Variants in FOXO3 observed in about 807,000 individuals in gnomAD.
FOXO3 encodes the protein forkhead box O3.
In FOXO3, 4 loss-of-function variants were observed where a neutral mutation model predicts 41.9. That is an observed-to-expected ratio of 0.10 (90% confidence interval 0.05 to 0.22). The LOEUF (loss-of-function observed/expected upper bound fraction) is 0.22, where lower values mean the gene tolerates loss of function less well. FOXO3 is among the 10% of genes least tolerant of loss of function. The pLI is 1.00. For synonymous variants in FOXO3, 318 were observed against 389.3 expected, an observed-to-expected ratio of 0.82 and a Z score of 2.16; for missense variants, 534 against 906.8, an observed-to-expected ratio of 0.59 and a Z score of 5.28.
chr6:108,606,889 T>C (rs1777218955), intron 1 of FOXO3, among the ~76,000 whole-genome samples: 1 of 152,208 alleles, frequency 6.6e-6, no homozygotes, highest in Admixed American at 6.5e-5. Flanking sequence ...CCCATAAAGA[T>C]GCAGAGTAAG....
At chr6:108,623,089 T>C (rs943936688) in intron 1 of FOXO3, among the ~76,000 whole-genome samples, 16 of 152,028 alleles carry the variant, frequency 1.1e-4, no homozygotes, top group African/African-American at 3.6e-4. Context: ...CTTGGACATA[T>C]CATGGGGCTA....
At chr6:108,586,072 C>T (rs114540116) in intron 1 of FOXO3, among the ~76,000 whole-genome samples, 3,204 of 152,246 alleles carry the variant, frequency 0.021, 114 homozygotes, top group African/African-American at 0.071. Context: ...TCTGGAAAAG[C>T]GAAGATCACT....
chr6:108,580,116 G>A (rs775040920), intron 1 of FOXO3, among the ~76,000 whole-genome samples: 10 of 151,580 alleles, frequency 6.6e-5, no homozygotes, highest in Admixed American at 3.9e-4. Flanking sequence ...TAAAAGCTAC[G>A]GTTAATTGAA....
At chr6:108,655,835 T>C (rs1778668510) in intron 1 of FOXO3, among the ~76,000 whole-genome samples, 2 of 152,204 alleles carry the variant, frequency 1.3e-5, no homozygotes, top group South Asian at 2.1e-4. Context: ...AAAACCTTTG[T>C]CATCTGTGGT....
intron 1 of FOXO3, among the ~76,000 whole-genome samples, chr6:108,644,541 G>T (rs1164666646): frequency 6.6e-6 from 1 of 151,950 alleles, no homozygotes; most frequent in Non-Finnish European, 1.5e-5. Flanking sequence ...AAACTCTCCT[G>T]GGCACGATCG....
chr6:108,620,339 CG>C (rs1777632096), intron 1 of FOXO3, among the ~76,000 whole-genome samples: 1 of 152,086 alleles, frequency 6.6e-6, no homozygotes, highest in East Asian at 1.9e-4. Context: ...TTTTGTCTAT[CG>C]TTTTTCTTAA....
At chr6:108,646,377 T>C (rs2128381022) in intron 1 of FOXO3, among the ~76,000 whole-genome samples, 1 of 152,360 alleles carries the variant, frequency 6.6e-6, no homozygotes, top group South Asian at 2.1e-4. Flanking sequence ...TCTGTTCTAC[T>C]AAGTCAAAGG....
rs148312665 is a variant in FOXO3 at position 108,623,387 on chromosome 6, T to A, written c.622-40068T>A. 9.1e-4 allele frequency among the ~76,000 whole-genome samples: 138 copies of A among 152,346 alleles called. 1 individual carries two copies. Among genetic ancestry groups the A allele is most frequent in the South Asian group, 8.7e-3 (42 of 4,832 alleles). On this transcript the variant is annotated intron_variant, in intron 1 of 2. Transcript: ENST00000406360. ...CCCACCTGCACATGTAAATCTTTCC[T>A]TTTTAATGTGTCACCTCTTCAGTTT...
intron 1 of FOXO3, among the ~76,000 whole-genome samples, chr6:108,661,376 A>G (rs1246392314): frequency 4.2e-5 from 1 of 23,794 alleles, no homozygotes; most frequent in East Asian, 1.3e-3. Flanking sequence ...TAATATATGG[A>G]CAGTAGCATC....
upstream of FOXO3, chr6:108,560,889 C>T: frequency 1.9e-6 from 2 of 1,056,314 alleles, no homozygotes; most frequent in East Asian, 3.3e-5. Flanking sequence ...GATTCGCTCG[C>T]GGCTCCATCG....
At chr6:108,592,563 C>T (rs1776756660) in intron 1 of FOXO3, among the ~76,000 whole-genome samples, 1 of 152,118 alleles carries the variant, frequency 6.6e-6, no homozygotes, top group Non-Finnish European at 1.5e-5. Flanking sequence ...AGCAAGAATG[C>T]ATTTTAAATT....
intron 2 of FOXO3, among the ~76,000 whole-genome samples, chr6:108,679,309 C>G (rs1455158344): frequency 6.6e-6 from 1 of 151,752 alleles, no homozygotes; most frequent in East Asian, 1.9e-4. Flanking sequence ...TTCATCTCCA[C>G]TGGTGTTGGG....
At chr6:108,656,139 A>G (rs1172455318) in intron 1 of FOXO3, among the ~76,000 whole-genome samples, 6 of 151,926 alleles carry the variant, frequency 3.9e-5, no homozygotes, top group African/African-American at 1.4e-4. Context: ...CCACCTCAAA[A>G]AAAAAAAGAG....
chr6:108,663,848 G>A lies in FOXO3; in HGVS notation c.1015G>A (p.Asp339Asn), dbSNP rs201795333. Residue 339 changes from aspartate to asparagine, a missense_variant, in exon 2 of 3, where the codon GAT becomes AAT. By Grantham distance (23) the Asp-to-Asn change is conservative. This residue lies in a region of FOXO3 where 185 missense variants were observed against 224.9 expected (regional missense o/e 0.82). Transcript: ENST00000406360. ...ASTELDEVQD[D>N]DAPLSPMLYS... Reference sequence around the variant, plus strand: ...CACAGAGTTGGATGAAGTCCAGGACGATGATGCGCCTCTCTCGCCCATGCT... The same window carrying A: ...CACAGAGTTGGATGAAGTCCAGGACAATGATGCGCCTCTCTCGCCCATGCT... 114 of 1,613,894 alleles carry A rather than the reference G, an allele frequency of 7.1e-5. 1 individual carries two copies. The highest frequency in any genetic ancestry group is 4.2e-4 in the East Asian group (19 of 44,872).
chr6:108,561,812 A>C lies in FOXO3; in HGVS notation c.604A>C (p.Ser202Arg). Reference protein sequence around the residue: ...PYFKDKGDSNSSAGWKNSIRH... With the variant: ...PYFKDKGDSNRSAGWKNSIRH... ...CTTCAAGGATAAGGGCGACAGCAAC[A>C]GCTCTGCCGGCTGGAAGGTGCGTAC... Residue 202 changes from serine to arginine, a missense_variant, in exon 1 of 3, where the codon AGC becomes CGC. By Grantham distance (110) the Ser-to-Arg change is moderately radical. Transcript: ENST00000406360. 6.3e-7 allele frequency: 1 copy of C among 1,584,778 alleles called. No individual in the cohort carries two copies. Among genetic ancestry groups the C allele is most frequent in the Non-Finnish European group, 8.6e-7 (1 of 1,166,378 alleles).
upstream of FOXO3, chr6:108,560,887 C>T (rs896689923): frequency 2.9e-6 from 3 of 1,045,274 alleles, no homozygotes; most frequent in African/African-American, 5.0e-5. Flanking sequence ...TCGATTCGCT[C>T]GCGGCTCCAT....
chr6:108,653,679 C>T (rs1764113825), intron 1 of FOXO3, among the ~76,000 whole-genome samples: 1 of 152,184 alleles, frequency 6.6e-6, no homozygotes, highest in South Asian at 2.1e-4. Flanking sequence ...GAAAGTGATG[C>T]TAAATTCTTG....
chr6:108,588,976 C>T (rs943271134), intron 1 of FOXO3, among the ~76,000 whole-genome samples: 1 of 152,178 alleles, frequency 6.6e-6, no homozygotes, highest in Non-Finnish European at 1.5e-5. Flanking sequence ...ATTAGGTAAG[C>T]ATGGGTTCTG....
At chr6:108,604,721 T>A (rs1001497665) in intron 1 of FOXO3, among the ~76,000 whole-genome samples, 1 of 152,156 alleles carries the variant, frequency 6.6e-6, no homozygotes, top group African/African-American at 2.4e-5. Flanking sequence ...GTTTTTTTTT[T>A]CCTTGTTGCT....
Sources: allele counts gnomAD v4.1 joint callset (sites outside exome capture counted in the v4.1 genomes callset), GRCh38; gene constraint gnomAD v4.1.1; regional missense constraint gnomAD v4.1.1; transcripts MANE v1.5; gene names NCBI Gene and HGNC (gene_info 2026-07-23, HGNC 2026-07-21).